Variants in NKAIN3 observed in about 807,000 individuals in gnomAD.
NKAIN3 encodes the protein sodium/potassium transporting ATPase interacting 3, also known as sodium/potassium-transporting ATPase subunit beta-1-interacting protein 3.
NKAIN3 carries 25 observed loss-of-function variants against 30.2 expected under a neutral mutation model. The ratio of observed to expected loss-of-function variants is 0.83; its 90% CI spans 0.60 to 1.16. The LOEUF (loss-of-function observed/expected upper bound fraction) is 1.16. Ranked by LOEUF, NKAIN3 falls within the 50% of genes most tolerant of loss-of-function variation. The pLI is 0.00. For synonymous variants in NKAIN3, 91 were observed against 89.6 expected (o/e 1.02, Z -0.09); for missense variants, 225 against 254.1 (o/e 0.89, Z 0.78).
At chr8:62,752,549 G>A (rs972430471) in intron 4 of NKAIN3, among the ~76,000 whole-genome samples, 1 of 152,068 alleles carries the variant, frequency 6.6e-6, no homozygotes, top group Non-Finnish European at 1.5e-5. Flanking sequence ...TCCTACCTGT[G>A]CCTCACAAGA....
chr8:62,728,644 G>A (rs1293550386), intron 3 of NKAIN3, among the ~76,000 whole-genome samples: 1 of 150,816 alleles, frequency 6.6e-6, no homozygotes, highest in African/African-American at 2.4e-5. Flanking sequence ...CAGCCTGGGC[G>A]ACAAGAACGA....
chr8:62,341,117 C>T (rs1044976877), intron 1 of NKAIN3, among the ~76,000 whole-genome samples: 2 of 151,996 alleles, frequency 1.3e-5, no homozygotes, highest in Non-Finnish European at 2.9e-5. Context: ...CATGGGACAG[C>T]TCACTTTCTA....
chr8:62,491,588 G>A (rs983329532), intron 1 of NKAIN3, among the ~76,000 whole-genome samples: 6 of 152,106 alleles, frequency 3.9e-5, no homozygotes, highest in Non-Finnish European at 7.3e-5. Context: ...CCAGAGATTA[G>A]CAATTCACTG....
chr8:62,868,667 C>T (rs1017315346), intron 4 of NKAIN3, among the ~76,000 whole-genome samples: 1 of 152,144 alleles, frequency 6.6e-6, no homozygotes. Flanking sequence ...TTTTGAACAC[C>T]GTTACTCAGT....
chr8:62,870,217 T>C (rs555591945), intron 4 of NKAIN3, among the ~76,000 whole-genome samples: 1 of 144,246 alleles, frequency 6.9e-6, no homozygotes, highest in African/African-American at 2.5e-5. Context: ...TGTATATATA[T>C]ATCTATATCT....
At chr8:62,724,116 A>T (rs1815183411) in intron 3 of NKAIN3, among the ~76,000 whole-genome samples, 1 of 152,116 alleles carries the variant, frequency 6.6e-6, no homozygotes, top group Non-Finnish European at 1.5e-5. Context: ...TGAAGGAATG[A>T]AATTAGGTTG....
At chr8:62,613,821 T>C (rs1246191811) in intron 3 of NKAIN3, among the ~76,000 whole-genome samples, 1 of 152,318 alleles carries the variant, frequency 6.6e-6, no homozygotes, top group East Asian at 1.9e-4. Flanking sequence ...CATTCTTTGA[T>C]ATACCAATTG....
At chr8:62,381,109 A>T (rs1817261641) in intron 1 of NKAIN3, among the ~76,000 whole-genome samples, 1 of 152,238 alleles carries the variant, frequency 6.6e-6, no homozygotes, top group Admixed American at 6.5e-5. Flanking sequence ...TACATTTTCC[A>T]GAATCATAAA....
chr8:62,889,078 T>C (rs1211256634), intron 4 of NKAIN3, among the ~76,000 whole-genome samples: 2 of 152,104 alleles, frequency 1.3e-5, no homozygotes, highest in African/African-American at 4.8e-5. Flanking sequence ...TTCAAAATTT[T>C]ATTGAACAGT....
At chr8:62,872,577 T>C (rs1168113763) in intron 4 of NKAIN3, among the ~76,000 whole-genome samples, 3 of 152,212 alleles carry the variant, frequency 2.0e-5, no homozygotes, top group Non-Finnish European at 4.4e-5. Context: ...ACTTCAGTTT[T>C]TGAGCATTGT....
intron 4 of NKAIN3, among the ~76,000 whole-genome samples, chr8:62,779,267 C>A (rs1368256329): frequency 1.3e-5 from 2 of 152,146 alleles, no homozygotes; most frequent in African/African-American, 4.8e-5. Context: ...CCAAAGTCCA[C>A]ACAGCACTAA....
intron 6 of NKAIN3, among the ~76,000 whole-genome samples, chr8:62,959,799 T>C (rs1311274821): frequency 6.6e-6 from 1 of 152,170 alleles, no homozygotes; most frequent in East Asian, 1.9e-4. Context: ...CATCAGTCCC[T>C]GGAAATGGAA....
chr8:62,856,967 A>G (rs1820078369), intron 4 of NKAIN3: 2 of 543,858 alleles, frequency 3.7e-6, no homozygotes, highest in African/African-American at 3.9e-5. Context: ...TCAACAAAAA[A>G]AAAACAAACT....
chr8:62,878,515 A>T (rs993067461), intron 4 of NKAIN3, among the ~76,000 whole-genome samples: 1 of 151,596 alleles, frequency 6.6e-6, no homozygotes, highest in Non-Finnish European at 1.5e-5. Flanking sequence ...TGTTTTTATT[A>T]TTATTATTAT....
At chr8:62,997,051 C>G (rs1039197745) in intron 5 of NKAIN3, among the ~76,000 whole-genome samples, 2 of 152,332 alleles carry the variant, frequency 1.3e-5, no homozygotes, top group Middle Eastern at 3.4e-3. Context: ...AGTGAGGACT[C>G]TGTGTGGGGG....
chr8:62,267,651 C>T (rs1812649594), intron 1 of NKAIN3, among the ~76,000 whole-genome samples: 1 of 152,180 alleles, frequency 6.6e-6, no homozygotes, highest in Non-Finnish European at 1.5e-5. Context: ...TCCTGATATA[C>T]ACCTAACAGT....
intron 1 of NKAIN3, among the ~76,000 whole-genome samples, chr8:62,412,945 A>T (rs913110556): frequency 5.9e-5 from 9 of 151,366 alleles, no homozygotes; most frequent in Non-Finnish European, 1.3e-4. Context: ...ACAGCAAAAC[A>T]TAACAACAAC....
chr8:62,849,376 T>C (rs1351442968), intron 4 of NKAIN3, among the ~76,000 whole-genome samples: 3 of 150,786 alleles, frequency 2.0e-5, no homozygotes, highest in Non-Finnish European at 2.9e-5. Flanking sequence ...ATTCAGGGAT[T>C]CAATTTCTTC....
At chr8:62,730,836 T>C (rs1815440882) in intron 3 of NKAIN3, among the ~76,000 whole-genome samples, 1 of 152,222 alleles carries the variant, frequency 6.6e-6, no homozygotes, top group Admixed American at 6.5e-5. Context: ...GTTATTTTAA[T>C]AGCTGTTTTA....
Sources: allele counts gnomAD v4.1 joint callset (sites outside exome capture counted in the v4.1 genomes callset), GRCh38; gene constraint gnomAD v4.1.1; transcripts MANE v1.5; gene names NCBI Gene and HGNC (gene_info 2026-07-23, HGNC 2026-07-21).